The following ADAM7 variants were observed in gnomAD, a reference collection of about 807,000 sequenced individuals.
The protein encoded by ADAM7 is disintegrin and metalloproteinase domain-containing protein 7.
Under a neutral mutation model 102.9 loss-of-function variants are expected in ADAM7, and 97 were observed. That is an observed-to-expected ratio of 0.94 (90% CI 0.80 to 1.12). The LOEUF (loss-of-function observed/expected upper bound fraction) is 1.12, where lower values mean the gene tolerates loss of function less well. Ranked by LOEUF, ADAM7 falls within the 50% of genes most tolerant of loss-of-function variation. The probability of loss-of-function intolerance (pLI) is 0.00; values close to 1 mark genes in which losing one functional copy is unlikely to be tolerated. For synonymous variants in ADAM7, 334 were observed against 304.4 expected, an observed-to-expected ratio of 1.10 and a Z score of -1.01; for missense variants, 991 against 908.7, an observed-to-expected ratio of 1.09 and a Z score of -1.16.
Position 24,489,340 on chromosome 8 carries a change from G to T in ADAM7, c.1266+7G>T. 1 of 1,598,294 alleles carries T rather than the reference G, an allele frequency of 6.3e-7. No homozygotes were observed. Among genetic ancestry groups the T allele is most frequent in the Non-Finnish European group, 8.5e-7 (1 of 1,173,024 alleles). On this transcript the variant is annotated splice_region_variant and intron_variant, in intron 12 of 21. Transcript: ENST00000175238. ...TGACTGTGGCCCTGCTCAGGTATTT[G>T]CAAATGAAGCTATCTTTAAATTGCA...
At chr8:24,459,415 G>C (rs190554620) in intron 3 of ADAM7, among the ~76,000 whole-genome samples, 62 of 151,590 alleles carry the variant, frequency 4.1e-4, no homozygotes, top group East Asian at 3.7e-3. Context: ...AATCTAAAAG[G>C]GGCTATCAAT....
At chr8:24,467,387 T>C (rs968138661) in intron 6 of ADAM7, 2 of 204,174 alleles carry the variant, frequency 9.8e-6, no homozygotes, top group Middle Eastern at 1.9e-3. Context: ...GTTTTAATGG[T>C]TAAGGATGAT....
intron 9 of ADAM7, among the ~76,000 whole-genome samples, chr8:24,483,950 T>A (rs1820047526): frequency 6.6e-6 from 1 of 152,148 alleles, no homozygotes; most frequent in Admixed American, 6.6e-5. Flanking sequence ...AAATAGCCAA[T>A]TGAGCATCAT....
At chr8:24,475,470 A>G (rs1315498645) in intron 7 of ADAM7, among the ~76,000 whole-genome samples, 1 of 152,220 alleles carries the variant, frequency 6.6e-6, no homozygotes, top group Admixed American at 6.5e-5. Context: ...AATGTGGAGA[A>G]GATGACCAGA....
intron 13 of ADAM7, 27 bp downstream of exon 13, chr8:24,490,915 T>C (rs1219731440): frequency 6.2e-7 from 1 of 1,607,214 alleles, no homozygotes; most frequent in African/African-American, 1.3e-5. Context: ...GGAGAAGGTT[T>C]TTTTTTTTCA....
At chr8:24,448,765 C>T (rs773859140) in intron 3 of ADAM7, among the ~76,000 whole-genome samples, 41 of 151,930 alleles carry the variant, frequency 2.7e-4, no homozygotes, top group Non-Finnish European at 4.4e-4. Flanking sequence ...CCCATTAACT[C>T]GTCATTTAGC....
Position 24,509,451 on chromosome 8 carries a change from C to G in ADAM7, c.*905C>G, listed in dbSNP as rs1821045720. 5.1e-6 allele frequency: 5 copies of G among 985,040 alleles called. No individual in the cohort carries two copies. The African/African-American group carries it at 8.7e-5, about 17-fold the overall frequency. 61.0% of individuals were successfully genotyped at this position (985,040 alleles called of 1,614,324 possible). A position where few individuals can be genotyped will look rare whatever the true frequency, so the allele number is the denominator to read the frequency against. On this transcript the variant is annotated 3_prime_UTR_variant, in exon 22 of 22. Transcript: ENST00000175238. ...GTGTCCTCTATTTTCTTCTTGTGAA[C>G]TGTTAAAGCTACATGCATTATTTTT...
chr8:24,461,353 T>C (rs755642988), intron 3 of ADAM7, among the ~76,000 whole-genome samples: 2 of 152,000 alleles, frequency 1.3e-5, no homozygotes, highest in Non-Finnish European at 2.9e-5. Context: ...CTGGCTCACA[T>C]AGTCTCTAAT....
intron 10 of ADAM7, among the ~76,000 whole-genome samples, chr8:24,486,984 C>A (rs1032739972): frequency 2.0e-5 from 3 of 152,164 alleles, no homozygotes; most frequent in Admixed American, 2.0e-4. Flanking sequence ...GCTAGAGATA[C>A]TTAAAAAGTC....
At chr8:24,463,730 G>C in intron 3 of ADAM7, 152 bp from the exon 4 acceptor site, 1 of 577,802 alleles carries the variant, frequency 1.7e-6, no homozygotes, top group African/African-American at 1.9e-5. Context: ...CTCTTCATAT[G>C]AGTGGGCTTG....
At chr8:24,488,868 G>C (rs916786083) in intron 11 of ADAM7, among the ~76,000 whole-genome samples, 1 of 151,882 alleles carries the variant, frequency 6.6e-6, no homozygotes, top group Non-Finnish European at 1.5e-5. Context: ...TATTTCAAGA[G>C]GACCAAATTA....
chr8:24,476,470 A>G lies in ADAM7; in HGVS notation c.671A>G (p.Asn224Ser). 1 of 1,609,114 alleles carries G rather than the reference A, an allele frequency of 6.2e-7. No homozygotes were observed. The highest frequency in any genetic ancestry group is 8.5e-7 in the Non-Finnish European group (1 of 1,176,720). ...RNGHPHNKLR[N>S]RIWGMVNFVN... is the part of the protein sequence containing the mutation. Reference sequence around the variant, plus strand: ...GGTCATCCTCACAATAAACTAAGGAACCGAATTTGGGGAATGGTCAATTTT... The same window carrying G: ...GGTCATCCTCACAATAAACTAAGGAGCCGAATTTGGGGAATGGTCAATTTT... The change falls in exon 8 of 22, where the codon AAC becomes AGC. Residue 224 changes from asparagine (N) to serine (S), a missense_variant. Transcript: ENST00000175238.
At position 24,466,791 on chromosome 8, in the gene ADAM7, T is replaced by G. The variant is rs1363638112; in HGVS notation, c.390-8T>G. 1.9e-6 allele frequency: 3 copies of G among 1,607,468 alleles called. No individual in the cohort carries two copies. Among genetic ancestry groups the G allele is most frequent in the Non-Finnish European group, 2.5e-6 (3 of 1,177,900 alleles). ...CTTGAATACAAATTGTGTTCCCAAT[T>G]TCTACAGGGGATTCTTCAGAATAAA... On this transcript the variant is annotated splice_polypyrimidine_tract_variant and splice_region_variant and intron_variant, in intron 5 of 21. Coordinates refer to ENST00000175238, the MANE Select transcript of ADAM7 (RefSeq NM_003817.4).
chr8:24,501,599 A>G (rs924048619), intron 20 of ADAM7, 23 bp downstream of exon 20: 2 of 1,540,608 alleles, frequency 1.3e-6, no homozygotes, highest in African/African-American at 1.4e-5. Flanking sequence ...CATTTGCAAC[A>G]GTTAATTTAT....
At chr8:24,461,366 A>C (rs1398811582) in intron 3 of ADAM7, among the ~76,000 whole-genome samples, 2 of 151,930 alleles carry the variant, frequency 1.3e-5, no homozygotes, top group African/African-American at 4.8e-5. Context: ...TCTCTAATGG[A>C]ATGTTAATGG....
Position 24,465,726 on chromosome 8 carries a change from G to T in ADAM7, c.340G>T (p.Val114Leu), listed in dbSNP as rs771113387. The T allele has an allele frequency of 2.5e-6, 4 of 1,610,344 alleles. No individual in the cohort carries two copies. In the African/African-American group the frequency reaches 5.3e-5, roughly 22 times the overall value. The change falls in exon 5 of 22, where the codon GTA becomes TTA. Residue 114 changes from valine to leucine, a missense_variant. Coordinates refer to ENST00000175238, the MANE Select transcript of ADAM7 (RefSeq NM_003817.4). ...MDHCFYQGSIVHEYDSAASIS... is the reference protein window; with the variant it reads ...MDHCFYQGSILHEYDSAASIS... The stretch of plus-strand genomic sequence containing the variant: ...TCATTGTTTTTACCAAGGATCCATA[G>T]TACACGAATATGATTCAGCTGCCAG...
intron 8 of ADAM7, among the ~76,000 whole-genome samples, chr8:24,481,903 G>A (rs906585022): frequency 1.4e-4 from 22 of 152,070 alleles, no homozygotes; most frequent in African/African-American, 5.3e-4. Context: ...ATGATAGTTC[G>A]AGGAGGCAGA....
chr8:24,500,747 C>T (rs754170536), intron 18 of ADAM7, 43 bp from the exon 19 acceptor site: 2 of 1,517,972 alleles, frequency 1.3e-6, no homozygotes, highest in Non-Finnish European at 9.1e-7. Flanking sequence ...CACTGTTTTA[C>T]AACTGATACC....
chr8:24,455,482 A>G (rs2129377497), intron 3 of ADAM7, among the ~76,000 whole-genome samples: 1 of 152,320 alleles, frequency 6.6e-6, no homozygotes, highest in Middle Eastern at 3.4e-3. Context: ...GGCTCACTGT[A>G]GCCTTGATCT....
Sources: gnomAD v4.1 joint callset for allele counts (sites outside exome capture counted in the v4.1 genomes callset) on GRCh38, gnomAD v4.1.1 for gene constraint, MANE v1.5 for transcripts, NCBI Gene and HGNC (gene_info 2026-07-23, HGNC 2026-07-21) for gene names.